Variants in LRRD1 observed in about 807,000 individuals in gnomAD.
The protein encoded by LRRD1 is leucine rich repeats and death domain containing 1, also known as leucine-rich repeat and death domain-containing protein 1.
Under a neutral mutation model 69.5 loss-of-function variants are expected in LRRD1, and 49 were observed. The ratio of observed to expected loss-of-function variants is 0.70; its 90% confidence interval spans 0.56 to 0.89. The LOEUF is 0.89. Ranked by LOEUF, LRRD1 falls within the 40% of genes least tolerant of loss-of-function variation. The pLI is 0.00. For missense variants in LRRD1, 853 were observed against 956.0 expected (o/e 0.89, Z 1.42); for synonymous variants, 303 against 338.9 (o/e 0.89, Z 1.16).
chr7:92,163,609 G>C lies in LRRD1; in HGVS notation c.1594C>G (p.Leu532Val). The C allele has an allele frequency of 6.6e-7, 1 of 1,521,368 alleles. No homozygotes were observed. The highest frequency in any genetic ancestry group is 8.8e-7 in the Non-Finnish European group (1 of 1,138,482). The allele number at this position is 1,521,368 out of a possible 1,614,324, so 94.2% of individuals were successfully genotyped here. ...LLIFSEHFCS[L>V]INLKYLDLGK... ...AGATCCAGGTATTTAAGATTAATAA[G>C]AGAACAAAAGTGCTCAGAAAATATG... The change falls in exon 2 of 6, where the codon CTT (leucine) becomes GTT (valine). Residue 532 changes from leucine (L) to valine (V), a missense_variant. This residue lies in a region of LRRD1 where 739 missense variants were observed against 808.0 expected (regional missense o/e 0.91). Transcript: ENST00000458448.
intron 2 of LRRD1, among the ~76,000 whole-genome samples, chr7:92,161,588 G>C (rs555631808): frequency 6.6e-6 from 1 of 152,312 alleles, no homozygotes; most frequent in South Asian, 2.1e-4. Context: ...TGTAGACAGT[G>C]ACACTGGAAA....
chr7:92,174,888 C>T (rs925274254), intron 1 of LRRD1, among the ~76,000 whole-genome samples: 4 of 151,284 alleles, frequency 2.6e-5, no homozygotes, highest in Non-Finnish European at 5.9e-5. Flanking sequence ...ATGGAGAAAC[C>T]CCGTCTCTAC....
At chr7:92,172,046 C>G (rs1489139925) in intron 1 of LRRD1, among the ~76,000 whole-genome samples, 2 of 152,266 alleles carry the variant, frequency 1.3e-5, no homozygotes, top group East Asian at 3.9e-4. Context: ...ATCACCTGAG[C>G]CTGGGAGGTC....
intron 4 of LRRD1, among the ~76,000 whole-genome samples, chr7:92,146,722 A>G (rs955026161): frequency 1.3e-5 from 2 of 151,846 alleles, no homozygotes; most frequent in Admixed American, 1.3e-4. Context: ...GGAGTTCGAG[A>G]TCAGCCTGAC....
chr7:92,178,186 G>C (rs547224476), intron 1 of LRRD1, among the ~76,000 whole-genome samples: 4 of 151,834 alleles, frequency 2.6e-5, no homozygotes, highest in Admixed American at 1.3e-4. Flanking sequence ...AGTGGCGGGC[G>C]CCTGTAGTCC....
chr7:92,160,202 G>T (rs1490031944), intron 2 of LRRD1, among the ~76,000 whole-genome samples: 1 of 152,124 alleles, frequency 6.6e-6, no homozygotes, highest in African/African-American at 2.4e-5. Context: ...AATAAAGGAA[G>T]TTCTATGAAC....
chr7:92,164,078 C>T lies in LRRD1; in HGVS notation c.1125G>A (p.Arg375=), dbSNP rs763668873. 2.6e-6 allele frequency: 4 copies of T among 1,547,488 alleles called. No individual in the cohort carries two copies. The South Asian group carries it at 4.8e-5, about 19-fold the overall frequency. The change falls in exon 2 of 6, where the codon AGG becomes AGA. Residue 375 remains arginine, a synonymous_variant. Transcript: ENST00000458448. The stretch of plus-strand genomic sequence containing the variant: ...ATAAATTTTTATCAAGTATAAGAAT[C>T]CTAAGTTCCCTGAAATTCTCAATTT... ...SHKIENFREL[R]ILILDKNLLK... is the part of the protein sequence containing the mutation.
At chr7:92,170,739 A>T (rs1297486284) in intron 1 of LRRD1, among the ~76,000 whole-genome samples, 1 of 152,254 alleles carries the variant, frequency 6.6e-6, no homozygotes, top group Non-Finnish European at 1.5e-5. Context: ...ATCGCTGCAC[A>T]ATACACATTC....
At chr7:92,143,980 G>A (rs921097873), downstream of LRRD1, among the ~76,000 whole-genome samples, 47 of 152,328 alleles carry the variant, frequency 3.1e-4, no homozygotes, top group Admixed American at 9.1e-4. Context: ...AGACTTACAC[G>A]ACAAGGTCAG....
Position 92,164,449 on chromosome 7 carries a change from C to A in LRRD1, c.754G>T (p.Asp252Tyr). The A allele has an allele frequency of 3.2e-6, 5 of 1,549,990 alleles. No individual in the cohort carries two copies. Among genetic ancestry groups the A allele is most frequent in the Non-Finnish European group, 3.5e-6 (4 of 1,146,384 alleles). The stretch of plus-strand genomic sequence containing the variant: ...TCCAAGTTTCCAAGACATTCTAAGT[C>A]AGAAGGAAAATTTTCAATGTAATTG... ...YNNYIENFPSDLECLGNLEIL... is the reference protein window; with the variant it reads ...YNNYIENFPSYLECLGNLEIL... Residue 252 changes from aspartate (D) to tyrosine (Y), a missense_variant, in exon 2 of 6, where the codon GAC (aspartate) becomes TAC (tyrosine). Coordinates refer to ENST00000458448, the MANE Select transcript of LRRD1 (RefSeq NM_001161528.2).
downstream of LRRD1, chr7:92,141,693 G>A (rs958259883): frequency 1.3e-5 from 2 of 152,094 alleles, no homozygotes; most frequent in African/African-American, 4.8e-5. Flanking sequence ...CTTGCCTCCA[G>A]TGGAAAACAT....
Position 92,158,323 on chromosome 7 carries a change from T to C in LRRD1, c.2116+682A>G, listed in dbSNP as rs556424491. Among the ~76,000 whole-genome samples, 15 of 152,056 alleles carry C rather than the reference T, an allele frequency of 9.9e-5. No individual in the cohort carries two copies. In the South Asian group the frequency reaches 2.5e-3, roughly 25 times the overall value. ...GTGAGCCATGATCTTGCCACTGTGC[T>C]CCAGCTTGGGCAACAGAGTGAGACC... On this transcript the variant is annotated intron_variant, in intron 3 of 5. Coordinates refer to ENST00000458448, the MANE Select transcript of LRRD1 (RefSeq NM_001161528.2).
At chr7:92,170,115 AGGAAGGAAGGAAGGGAGGAAGGAAGGAC>A (rs894652177) in intron 1 of LRRD1, among the ~76,000 whole-genome samples, 1 of 150,852 alleles carries the variant, frequency 6.6e-6, no homozygotes, top group African/African-American at 2.4e-5. Context: ...AGAGAGAGGA[AGGAAGGAAGGAAGGGAGGAAGGAAGGAC>A]GGAAGGAAGG....
Position 92,164,932 on chromosome 7 carries a change from T to C in LRRD1, c.271A>G (p.Ser91Gly). 2 of 1,551,544 alleles carry C rather than the reference T, an allele frequency of 1.3e-6. No individual in the cohort carries two copies. Among genetic ancestry groups the C allele is most frequent in the South Asian group, 1.2e-5 (1 of 84,052 alleles). The change falls in exon 2 of 6, where the codon AGC becomes GGC. Residue 91 changes from serine (S) to glycine (G), a missense_variant. By Grantham distance (56) the Ser-to-Gly change is moderately conservative. This residue lies in a region of LRRD1 where 99 missense variants were observed against 107.0 expected (regional missense o/e 0.92). Coordinates refer to ENST00000458448, the MANE Select transcript of LRRD1 (RefSeq NM_001161528.2). Reference sequence around the variant, plus strand: ...CTCTGTGAAGTTCCTGTTCTAGTGCTTGTTTCAGAAAATTGAAGATTTTTC... The same window carrying C: ...CTCTGTGAAGTTCCTGTTCTAGTGCCTGTTTCAGAAAATTGAAGATTTTTC... ...QKKNLQFSETSTRTGTSQSLS... is the reference protein window; with the variant it reads ...QKKNLQFSETGTRTGTSQSLS...
rs372786620 is a variant in LRRD1 at position 92,151,263 on chromosome 7, C to G, written c.2117-568G>C. On this transcript the variant is annotated intron_variant, in intron 3 of 5. Coordinates refer to ENST00000458448, the MANE Select transcript of LRRD1 (RefSeq NM_001161528.2). The stretch of plus-strand genomic sequence containing the variant: ...CTCTGGTTTGTGATAGTTTCTCAGT[C>G]TTTCCTTGTTTTTCATGACCTTGAC... Among the ~76,000 whole-genome samples the G allele has an allele frequency of 2.4e-4, 36 of 152,232 alleles. No homozygotes were observed. In the South Asian group the frequency reaches 7.3e-3, roughly 31 times the overall value.
chr7:92,165,522 A>T (rs1788887896), intron 1 of LRRD1, among the ~76,000 whole-genome samples: 1 of 152,136 alleles, frequency 6.6e-6, no homozygotes, highest in South Asian at 2.1e-4. Context: ...AGAAAATTAG[A>T]AAAAAGCCAT....
intron 3 of LRRD1, among the ~76,000 whole-genome samples, chr7:92,158,670 C>T (rs1352143072): frequency 6.6e-6 from 1 of 151,764 alleles, no homozygotes; most frequent in African/African-American, 2.4e-5. Context: ...GAGAAGGAAA[C>T]GCAGAAAAAA....
At chr7:92,156,754 C>T (rs902742440) in intron 3 of LRRD1, among the ~76,000 whole-genome samples, 10 of 152,090 alleles carry the variant, frequency 6.6e-5, no homozygotes, top group Non-Finnish European at 1.3e-4. Context: ...AATCTATTTA[C>T]TTTTTATTTC....
At chr7:92,158,302 GC>G (rs1788710506) in intron 3 of LRRD1, among the ~76,000 whole-genome samples, 1 of 152,084 alleles carries the variant, frequency 6.6e-6, no homozygotes, top group African/African-American at 2.4e-5. Flanking sequence ...GCTGCAGTGA[GC>G]CATGATCTTG....
Sources: gnomAD v4.1 joint callset for allele counts (sites outside exome capture counted in the v4.1 genomes callset) on GRCh38, gnomAD v4.1.1 for gene constraint, gnomAD v4.1.1 regional missense constraint, MANE v1.5 for transcripts, NCBI Gene and HGNC (gene_info 2026-07-23, HGNC 2026-07-21) for gene names.